DPP6: variants seen among roughly 807,000 people sequenced by gnomAD.
DPP6 encodes dipeptidyl peptidase like 6.
DPP6 carries 69 observed loss-of-function variants against 122.6 expected under a neutral mutation model. The ratio of observed to expected loss-of-function variants is 0.56; its 90% CI spans 0.46 to 0.69. The LOEUF (loss-of-function observed/expected upper bound fraction) is 0.69. Ranked by LOEUF, DPP6 falls within the 30% of genes least tolerant of loss-of-function variation. DPP6 has a pLI of 0.00. For synonymous variants in DPP6, 418 were observed against 433.1 expected, an observed-to-expected ratio of 0.97 and a Z score of 0.43; for missense variants, 928 against 1,116.9, an observed-to-expected ratio of 0.83 and a Z score of 2.41.
At chr7:153,765,074 C>T in the DPP6 span, among the ~76,000 whole-genome samples, 3 of 151,746 alleles carry the variant, frequency 2.0e-5, no homozygotes, top group Admixed American at 1.3e-4. Flanking sequence ...TTCCTCCACC[C>T]AAAAGATGAG....
At chr7:154,596,570 A>C (rs1181498251) in intron 5 of DPP6, among the ~76,000 whole-genome samples, 2 of 152,234 alleles carry the variant, frequency 1.3e-5, no homozygotes, top group Non-Finnish European at 2.9e-5. Flanking sequence ...CTTCCAAAAA[A>C]AAAAGTTGAC....
At chr7:154,716,374 G>T (rs1841484281) in intron 7 of DPP6, among the ~76,000 whole-genome samples, 3 of 152,060 alleles carry the variant, frequency 2.0e-5, no homozygotes. Context: ...CTATTTTACA[G>T]CTCTTACCAC....
intron 4 of DPP6, among the ~76,000 whole-genome samples, chr7:154,560,036 A>G (rs1284912240): frequency 6.6e-6 from 1 of 150,854 alleles, no homozygotes; most frequent in African/African-American, 2.4e-5. Flanking sequence ...GACAGTATTT[A>G]TTGGCCATAA....
intron 4 of DPP6, among the ~76,000 whole-genome samples, chr7:154,544,222 G>T: frequency 6.6e-6 from 1 of 150,570 alleles, no homozygotes; most frequent in Admixed American, 6.6e-5. Flanking sequence ...TTTGATGGTA[G>T]CTAAGAACTG....
chr7:154,168,877 C>T (rs987223644), intron 1 of DPP6, among the ~76,000 whole-genome samples: 13 of 152,196 alleles, frequency 8.5e-5, no homozygotes, highest in Admixed American at 5.2e-4. Context: ...TATGTATTAT[C>T]GTCTCCATTT....
At chr7:154,411,714 T>C (rs1359387567) in intron 1 of DPP6, among the ~76,000 whole-genome samples, 5 of 152,354 alleles carry the variant, frequency 3.3e-5, no homozygotes, top group African/African-American at 1.2e-4. Context: ...CTTCTTGGCA[T>C]ATTTTTAACT....
chr7:154,718,574 T>C (rs116523619), intron 7 of DPP6, among the ~76,000 whole-genome samples: 1,730 of 151,462 alleles, frequency 0.011, 39 homozygotes, highest in African/African-American at 0.04. Flanking sequence ...TTAGTCACTG[T>C]GGAACCCACA....
intron 2 of DPP6, among the ~76,000 whole-genome samples, chr7:154,464,926 G>T (rs563299067): frequency 1.3e-5 from 2 of 152,110 alleles, no homozygotes; most frequent in Non-Finnish European, 2.9e-5. Flanking sequence ...TTATACTATG[G>T]GGTTTTATTG....
the DPP6 span, among the ~76,000 whole-genome samples, chr7:153,871,741 G>A: frequency 5.9e-5 from 9 of 152,146 alleles, no homozygotes; most frequent in Non-Finnish European, 1.0e-4. Context: ...CTTCTGCGTC[G>A]CTCACGCTGG....
chr7:154,802,653 G>A (rs1436908585), intron 13 of DPP6, among the ~76,000 whole-genome samples: 1 of 152,152 alleles, frequency 6.6e-6, no homozygotes, highest in Non-Finnish European at 1.5e-5. Flanking sequence ...GAGATCAGGA[G>A]TTCAAGACCA....
chr7:153,848,056 C>T, the DPP6 span, among the ~76,000 whole-genome samples: 2 of 152,152 alleles, frequency 1.3e-5, no homozygotes, highest in Non-Finnish European at 2.9e-5. Context: ...AAAAAATGTA[C>T]GCAGACACAG....
intron 1 of DPP6, among the ~76,000 whole-genome samples, chr7:153,952,491 A>AT (rs969099706): frequency 2.6e-5 from 4 of 152,122 alleles, no homozygotes; most frequent in African/African-American, 9.7e-5. Flanking sequence ...GTGTTTTATT[A>AT]TTTTTTTCCT....
chr7:154,334,985 G>A (rs574500619), intron 1 of DPP6, among the ~76,000 whole-genome samples: 1 of 152,308 alleles, frequency 6.6e-6, no homozygotes, highest in East Asian at 1.9e-4. Flanking sequence ...ATTGTGCCAA[G>A]TTTGTATGTT....
At chr7:154,060,686 C>T in intron 1 of DPP6, among the ~76,000 whole-genome samples, 1 of 148,658 alleles carries the variant, frequency 6.7e-6, no homozygotes, top group African/African-American at 2.5e-5. Flanking sequence ...ATCCCCTCTT[C>T]CGCCCCTGGC....
At chr7:154,339,335 A>G (rs1378788287) in intron 1 of DPP6, among the ~76,000 whole-genome samples, 1 of 152,216 alleles carries the variant, frequency 6.6e-6, no homozygotes, top group Non-Finnish European at 1.5e-5. Context: ...TTTATCTTTC[A>G]TACAGTAGTT....
intron 1 of DPP6, among the ~76,000 whole-genome samples, chr7:154,430,046 G>T (rs1471459182): frequency 1.3e-5 from 2 of 152,064 alleles, no homozygotes; most frequent in African/African-American, 4.8e-5. Flanking sequence ...CCAGTTCTCA[G>T]CCTTTGAAGG....
intron 1 of DPP6, among the ~76,000 whole-genome samples, chr7:153,995,588 C>CAAAAAAAAAAAAAA (rs55905154): frequency 1.1e-5 from 1 of 88,950 alleles, no homozygotes; most frequent in Non-Finnish European, 2.0e-5. Flanking sequence ...GACTCCGTCT[C>CAAAAAAAAAAAAAA]AAAAAAAAAA....
chr7:154,600,231 G>A (rs148353025), intron 5 of DPP6, among the ~76,000 whole-genome samples: 30,611 of 109,488 alleles, frequency 0.28, 5,267 homozygotes, highest in East Asian at 0.5. Flanking sequence ...GGGTTCAAGC[G>A]ATTCTCCTGA....
chr7:153,785,276 T>C, the DPP6 span, among the ~76,000 whole-genome samples: 1 of 152,178 alleles, frequency 6.6e-6, no homozygotes, highest in Non-Finnish European at 1.5e-5. Flanking sequence ...CATTCTAGTG[T>C]AACCAGCATG....
Sources: gnomAD v4.1 joint callset for allele counts (sites outside exome capture counted in the v4.1 genomes callset) on GRCh38, gnomAD v4.1.1 for gene constraint, MANE v1.5 for transcripts, NCBI Gene and HGNC (gene_info 2026-07-23, HGNC 2026-07-21) for gene names.